Variants in SEMA6D observed in about 807,000 individuals in gnomAD.
The protein encoded by SEMA6D is semaphorin 6D, also known as semaphorin-6D.
SEMA6D carries 35 observed loss-of-function variants against 106.6 expected under a neutral mutation model. The observed-to-expected ratio is 0.33, with a 90% CI of 0.25 to 0.44. The LOEUF (loss-of-function observed/expected upper bound fraction) is 0.44. Among genes scored for constraint, SEMA6D ranks in the 20% least tolerant of loss-of-function variants. SEMA6D has a pLI of 1.00. For synonymous variants in SEMA6D, 499 were observed against 487.7 expected (o/e 1.02, Z -0.31); for missense variants, 1,185 against 1,345.9 (o/e 0.88, Z 1.87).
At chr15:47,476,490 G>A (rs2043003997) in intron 3 of SEMA6D, among the ~76,000 whole-genome samples, 1 of 152,112 alleles carries the variant, frequency 6.6e-6, no homozygotes, top group Admixed American at 6.6e-5. Context: ...TTAGAATTAT[G>A]TACTATTTCT....
At chr15:47,423,699 C>A (rs559283302) in intron 2 of SEMA6D, among the ~76,000 whole-genome samples, 10 of 152,038 alleles carry the variant, frequency 6.6e-5, no homozygotes, top group African/African-American at 1.9e-4. Flanking sequence ...TTCACCACTA[C>A]AGTAAACAAG....
At chr15:47,747,764 T>G (rs549809019) in intron 1 of SEMA6D, among the ~76,000 whole-genome samples, 15 of 152,320 alleles carry the variant, frequency 9.8e-5, no homozygotes, top group Admixed American at 6.5e-5. Flanking sequence ...GTCTTCATAC[T>G]GGTTTCTGGT....
At chr15:47,648,537 T>C (rs2077624604) in intron 4 of SEMA6D, among the ~76,000 whole-genome samples, 1 of 151,482 alleles carries the variant, frequency 6.6e-6, no homozygotes, top group African/African-American at 2.5e-5. Context: ...ATCATACAAA[T>C]GCACTTAGGG....
chr15:47,736,000 C>T (rs2080424730), intron 1 of SEMA6D, among the ~76,000 whole-genome samples: 1 of 152,180 alleles, frequency 6.6e-6, no homozygotes, highest in Non-Finnish European at 1.5e-5. Flanking sequence ...GAATGATTGT[C>T]TTTTCTACTT....
chr15:47,270,866 G>T (rs1345696614), intron 1 of SEMA6D, among the ~76,000 whole-genome samples: 1 of 151,876 alleles, frequency 6.6e-6, no homozygotes, highest in African/African-American at 2.4e-5. Context: ...GTGGTGGCGG[G>T]TGCCTGTAAT....
chr15:47,771,622 A>G lies in SEMA6D; in HGVS notation c.3059A>G (p.His1020Arg). The change falls in exon 19 of 19, where the codon CAT becomes CGT. Residue 1020 changes from histidine (H) to arginine (R), a missense_variant. Transcript: ENST00000536845. ...DYIQGTPVSV[H>R]LQPSLSRQSS... ...ATTCAGGGAACACCAGTGAGTGTTC[A>G]TCTGCAGCCTTCCCTCTCCAGACAG... 1 of 1,614,150 alleles carries G rather than the reference A, an allele frequency of 6.2e-7. No homozygotes were observed. Among genetic ancestry groups the G allele is most frequent in the Non-Finnish European group, 8.5e-7 (1 of 1,179,990 alleles).
rs1391236518 is a variant in SEMA6D, at chr15:47,761,449, G to T, written c.447+18G>T. 6.4e-7 allele frequency: 1 copy of T among 1,557,690 alleles called. No homozygotes were observed. Among genetic ancestry groups the T allele is most frequent in the Admixed American group, 1.8e-5 (1 of 55,340 alleles). On this transcript the variant is annotated intron_variant, in intron 6 of 18. Coordinates refer to ENST00000536845, the MANE Select transcript of SEMA6D (RefSeq NM_001358351.3). ...ACTACAGGGTAAGTATATTTTATGT[G>T]ATATGCTTCTTTTGATCAACTTTTC...
chr15:47,290,482 A>G (rs2035549865), intron 1 of SEMA6D, among the ~76,000 whole-genome samples: 1 of 152,172 alleles, frequency 6.6e-6, no homozygotes, highest in South Asian at 2.1e-4. Context: ...AGAAACAGAC[A>G]TGTTTTTTAA....
chr15:47,387,841 A>G (rs927929441), intron 1 of SEMA6D, among the ~76,000 whole-genome samples: 1 of 152,208 alleles, frequency 6.6e-6, no homozygotes, highest in Non-Finnish European at 1.5e-5. Context: ...CTGTTTCTTC[A>G]TCTGTAACCT....
At chr15:47,678,402 C>A (rs2078286819) in intron 4 of SEMA6D, among the ~76,000 whole-genome samples, 1 of 152,172 alleles carries the variant, frequency 6.6e-6, no homozygotes, top group Non-Finnish European at 1.5e-5. Flanking sequence ...TAGCTTCCCT[C>A]CCTCCCATCC....
chr15:47,312,609 A>G (rs1207806129), intron 1 of SEMA6D, among the ~76,000 whole-genome samples: 2 of 152,138 alleles, frequency 1.3e-5, no homozygotes. Context: ...TCTTTAGATC[A>G]GCGCTATCCA....
intron 2 of SEMA6D, among the ~76,000 whole-genome samples, chr15:47,458,749 T>C (rs2042415783): frequency 6.6e-6 from 1 of 152,026 alleles, no homozygotes; most frequent in African/African-American, 2.4e-5. Context: ...AACACCTTTT[T>C]TTAGGAAAGA....
At position 47,762,261 on chromosome 15, in the gene SEMA6D, A is replaced by G; in HGVS notation, c.600A>G (p.Arg200=). Residue 200 remains arginine (R), a synonymous_variant, in exon 8 of 19, where the codon CGA becomes CGG. Transcript: ENST00000536845. Reference sequence around the variant, plus strand: ...TGGCCAGCGATGCCGTTATTTATCGAAGCATGGGTGATGGATCTGCCCTTC... The same window carrying G: ...TGGCCAGCGATGCCGTTATTTATCGGAGCATGGGTGATGGATCTGCCCTTC... ...DFLASDAVIY[R]SMGDGSALRT... is the part of the protein sequence containing the mutation. 6.2e-7 allele frequency: 1 copy of G among 1,613,698 alleles called. No homozygotes were observed.
chr15:47,440,681 G>GACTT (rs1324297294), intron 2 of SEMA6D, among the ~76,000 whole-genome samples: 1 of 151,998 alleles, frequency 6.6e-6, no homozygotes, highest in African/African-American at 2.4e-5. Context: ...GTTGAATGAT[G>GACTT]ACTTAACATA....
rs143293406 is a variant in SEMA6D, at chr15:47,217,430, G to A, written c.-239+33012G>A. ...GAAAACAAAACAGTTCCTTTCAACA[G>A]GAAACTGTAGGGAAATTAAGTTTTA... is the stretch of plus-strand genomic sequence containing the variant. On this transcript the variant is annotated intron_variant, in intron 1 of 19. Transcript: ENST00000558014. 6.1e-3 allele frequency among the ~76,000 whole-genome samples: 925 copies of A among 152,192 alleles called. 12 individuals carry two copies. The highest frequency in any genetic ancestry group is 0.021 in the African/African-American group (878 of 41,518).
At chr15:47,696,316 C>T (rs576561623) in intron 4 of SEMA6D, among the ~76,000 whole-genome samples, 1 of 152,288 alleles carries the variant, frequency 6.6e-6, no homozygotes, top group South Asian at 2.1e-4. Context: ...TCTCACATTG[C>T]AATTCTGTAA....
At chr15:47,568,966 C>G (rs1566897673) in intron 3 of SEMA6D, among the ~76,000 whole-genome samples, 1 of 152,088 alleles carries the variant, frequency 6.6e-6, no homozygotes, top group Non-Finnish European at 1.5e-5. Context: ...AAACTGTGCT[C>G]TATGGAAATC....
intron 1 of SEMA6D, among the ~76,000 whole-genome samples, chr15:47,743,598 T>A (rs141800271): frequency 3.9e-5 from 6 of 152,202 alleles, no homozygotes; most frequent in African/African-American, 1.4e-4. Flanking sequence ...TGAGCCCAGA[T>A]TTTCATGGCC....
At chr15:47,208,966 G>A (rs904325455) in intron 1 of SEMA6D, among the ~76,000 whole-genome samples, 7 of 152,140 alleles carry the variant, frequency 4.6e-5, no homozygotes, top group African/African-American at 1.7e-4. Flanking sequence ...CTAATAAGAA[G>A]GAGTCCAGTT....
Sources: gnomAD v4.1 joint callset for allele counts (sites outside exome capture counted in the v4.1 genomes callset) on GRCh38, gnomAD v4.1.1 for gene constraint, MANE v1.5 for transcripts, NCBI Gene and HGNC (gene_info 2026-07-23, HGNC 2026-07-21) for gene names.